IQCN: variants seen among roughly 807,000 people sequenced by gnomAD.
IQCN encodes IQ motif containing N, also known as IQ domain-containing protein N.
Under a neutral mutation model 64.4 loss-of-function variants are expected in IQCN, and 46 were observed. The observed-to-expected ratio is 0.71, with a 90% CI of 0.56 to 0.91. The LOEUF (loss-of-function observed/expected upper bound fraction) is 0.91, where lower values mean the gene tolerates loss of function less well. IQCN is among the 40% of genes least tolerant of loss of function. The probability of loss-of-function intolerance (pLI) is 0.00; values close to 1 mark genes in which losing one functional copy is unlikely to be tolerated. For missense variants in IQCN, 1,753 were observed against 1,857.4 expected, an observed-to-expected ratio of 0.94 and a Z score of 1.03; for synonymous variants, 733 against 775.6, an observed-to-expected ratio of 0.95 and a Z score of 0.91.
chr19:18,273,944 C>T (rs1465681243), intron 1 of IQCN, among the ~76,000 whole-genome samples: 1 of 152,108 alleles, frequency 6.6e-6, no homozygotes, highest in Non-Finnish European at 1.5e-5. Flanking sequence ...TGTCACAAGA[C>T]ATAAGATCAC....
At position 18,265,606 on chromosome 19, in the gene IQCN, GGT is replaced by G. The variant is rs1969548073; in HGVS notation, c.1932_1933del (p.Pro645SerfsTer54). 1 of 1,613,828 alleles carries G rather than the reference GGT, an allele frequency of 6.2e-7. No individual in the cohort carries two copies. The highest frequency in any genetic ancestry group is 1.3e-5 in the African/African-American group (1 of 74,924). ...CATGTCTACAGGCACATACACGTGA[GGT>G]GGCTTGTCCCCTTCCTCAGCAACTT... On this transcript the variant is annotated frameshift_variant, in exon 3 of 4. Coordinates refer to ENST00000392413, the MANE Select transcript of IQCN (RefSeq NM_001145304.2). LOFTEE classifies it high-confidence loss of function. The surrounding 1 kb of genome is among the most constrained non-coding windows in gnomAD (Gnocchi z 4.7).
At position 18,267,297 on chromosome 19, in the gene IQCN, G is replaced by T. The variant is rs148879684; in HGVS notation, c.243C>A (p.Arg81=). ...CCTGGCTCTCGACCACAGCCCGGAG[G>T]CGTGGGACGCGGCGGGACGCCGTCT... is the stretch of plus-strand genomic sequence containing the variant. The part of the protein sequence containing the change: ...EGKTASRRVP[R]LRAVVESQAF... Residue 81 remains arginine, a synonymous_variant, in exon 3 of 4, where the codon CGC becomes CGA. Coordinates refer to ENST00000392413, the MANE Select transcript of IQCN (RefSeq NM_001145304.2). 3 of 1,614,160 alleles carry T rather than the reference G, an allele frequency of 1.9e-6. No homozygotes were observed. Among genetic ancestry groups the T allele is most frequent in the Non-Finnish European group, 2.5e-6 (3 of 1,180,060 alleles).
At chr19:18,258,192 T>C in intron 3 of IQCN, 86 bp from the exon 4 acceptor site, 1 of 1,463,722 alleles carries the variant, frequency 6.8e-7, no homozygotes, top group Admixed American at 1.7e-5. Flanking sequence ...CCACGGTGAC[T>C]CCTGGTTAAA....
At position 18,264,879 on chromosome 19, in the gene IQCN, C is replaced by T; in HGVS notation, c.2661G>A (p.Val887=). 1 of 1,612,388 alleles carries T rather than the reference C, an allele frequency of 6.2e-7. No homozygotes were observed. The highest frequency in any genetic ancestry group is 8.5e-7 in the Non-Finnish European group (1 of 1,179,566). Residue 887 remains valine (V), a synonymous_variant, in exon 3 of 4, where the codon GTG becomes GTA. Transcript: ENST00000392413. This position sits in a 1 kb window ranked among gnomAD's most constrained non-coding sequence, Gnocchi z 4.3. ...LASLCAEVAG[V]LASQEDLRTL... is the part of the protein sequence containing the mutation. ...TGCGGAGATCCTCCTGGGATGCCAG[C>T]ACACCAGCTACTTCAGCACACAAGG...
intron 3 of IQCN, chr19:18,259,663 C>T (rs1179095780): frequency 3.3e-5 from 5 of 152,336 alleles, no homozygotes; most frequent in African/African-American, 1.2e-4. Flanking sequence ...GGAATCACAT[C>T]TCTCTGCTGG....
In IQCN at chr19:18,257,501, G is replaced by T. The variant is rs1249739174; in HGVS notation, c.3783C>A (p.Arg1261=). Residue 1261 remains arginine (R), a synonymous_variant, in exon 4 of 4, where the codon CGC becomes CGA. Transcript: ENST00000392413. ...CCTGCACCACACGGGTGGGCTGTGTGCGTCCACAGGTATGACAGGTGCGAG... is the reference window on the plus strand; with the variant it reads ...CCTGCACCACACGGGTGGGCTGTGTTCGTCCACAGGTATGACAGGTGCGAG... ...SSPRTCHTCG[R]TQPTRVVQGM... 1 of 1,609,952 alleles carries T rather than the reference G, an allele frequency of 6.2e-7. No individual in the cohort carries two copies. Among genetic ancestry groups the T allele is most frequent in the South Asian group, 1.1e-5 (1 of 90,730 alleles).
intron 2 of IQCN, among the ~76,000 whole-genome samples, chr19:18,268,653 C>T (rs1036316412): frequency 2.6e-5 from 4 of 151,732 alleles, no homozygotes; most frequent in African/African-American, 9.7e-5. Context: ...CATGGTGAAA[C>T]CCGTCTCTAC....
chr19:18,260,618 A>C (rs1969404835), intron 3 of IQCN: 1 of 153,002 alleles, frequency 6.5e-6, no homozygotes, highest in Non-Finnish European at 1.5e-5. Context: ...AGGCTAGGGT[A>C]CAGGATGAAT....
At chr19:18,272,693 C>G (rs1475362438) in intron 1 of IQCN, among the ~76,000 whole-genome samples, 1 of 150,862 alleles carries the variant, frequency 6.6e-6, no homozygotes, top group Non-Finnish European at 1.5e-5. Context: ...TCACTGCAAG[C>G]TCTGCCTCCC....
chr19:18,273,837 G>T, intron 1 of IQCN, among the ~76,000 whole-genome samples: 1 of 152,286 alleles, frequency 6.6e-6, no homozygotes, highest in South Asian at 2.1e-4. Context: ...GGGATTGTGG[G>T]GGATGAGAAG....
At position 18,265,453 on chromosome 19, in the gene IQCN, A is replaced by T. The variant is rs781234979; in HGVS notation, c.2087T>A (p.Leu696Gln). Residue 696 changes from leucine to glutamine, a missense_variant, in exon 3 of 4, where the codon CTG (leucine) becomes CAG (glutamine). Physicochemically the swap from Leu to Gln is moderately radical, Grantham distance 113. Coordinates refer to ENST00000392413, the MANE Select transcript of IQCN (RefSeq NM_001145304.2). The surrounding 1 kb of genome is among the most constrained non-coding windows in gnomAD (Gnocchi z 4.7). ...PLTKASSQGH[L>Q]PTELTKTPSL... Reference sequence around the variant, plus strand: ...TGGGGTCTTGGTCAGCTCAGTGGGCAGATGTCCCTGAGATGAGGCCTTGGT... The same window carrying T: ...TGGGGTCTTGGTCAGCTCAGTGGGCTGATGTCCCTGAGATGAGGCCTTGGT... 3.1e-6 allele frequency: 5 copies of T among 1,613,990 alleles called. No individual in the cohort carries two copies. The highest frequency in any genetic ancestry group is 4.2e-6 in the Non-Finnish European group (5 of 1,179,862).
At position 18,257,688 on chromosome 19, in the gene IQCN, C is replaced by T; in HGVS notation, c.3596G>A (p.Gly1199Glu). 1 of 1,604,650 alleles carries T rather than the reference C, an allele frequency of 6.2e-7. No individual in the cohort carries two copies. Among genetic ancestry groups the T allele is most frequent in the South Asian group, 1.1e-5 (1 of 90,238 alleles). ...GAACCAGCTTCGGTCAGACATGACC[C>T]CGGCCCGGCTGCCCAGCTCCACCCA... ...VTWVELGSRA[G>E]VMSDRSWFQD... The change falls in exon 4 of 4, where the codon GGG becomes GAG. Residue 1199 changes from glycine (G) to glutamate (E), a missense_variant. Coordinates refer to ENST00000392413, the MANE Select transcript of IQCN (RefSeq NM_001145304.2).
At chr19:18,272,981 A>G (rs1043190514) in intron 1 of IQCN, among the ~76,000 whole-genome samples, 1 of 152,198 alleles carries the variant, frequency 6.6e-6, no homozygotes, top group African/African-American at 2.4e-5. Flanking sequence ...GAAAGGGTCC[A>G]TTCGGAGACA....
rs202135859 is a variant in IQCN, at chr19:18,266,620, G to A, written c.920C>T (p.Thr307Met). ...CTGGGTTTGGGCTCTGGATGGTCTC[G>A]TAACTGCCTGGTCATACCTTCTGGA... is the stretch of plus-strand genomic sequence containing the variant. ...PLSRRYDQAV[T>M]RPSRAQTQGP... The change falls in exon 3 of 4, where the codon ACG becomes ATG. Residue 307 changes from threonine (T) to methionine (M), a missense_variant. Thr to Met is a moderately conservative substitution (Grantham distance 81). Coordinates refer to ENST00000392413, the MANE Select transcript of IQCN (RefSeq NM_001145304.2). This position sits in a 1 kb window ranked among gnomAD's most constrained non-coding sequence, Gnocchi z 4.3. 71 of 1,613,916 alleles carry A rather than the reference G, an allele frequency of 4.4e-5. No individual in the cohort carries two copies. The highest frequency in any genetic ancestry group is 3.3e-4 in the Middle Eastern group (2 of 6,084).
rs1969512251 is a variant in IQCN at position 18,264,784 on chromosome 19, A to T, written c.2756T>A (p.Val919Asp). The T allele has an allele frequency of 6.4e-7, 1 of 1,551,286 alleles. No individual in the cohort carries two copies. The highest frequency in any genetic ancestry group is 2.0e-5 in the Admixed American group (1 of 51,000). Residue 919 changes from valine to aspartate, a missense_variant, in exon 3 of 4, where the codon GTC becomes GAC. By Grantham distance (152) the Val-to-Asp change is radical. Coordinates refer to ENST00000392413, the MANE Select transcript of IQCN (RefSeq NM_001145304.2). This position sits in a 1 kb window ranked among gnomAD's most constrained non-coding sequence, Gnocchi z 4.3. ...AALNQALSKE[V>D]LGATVTKALP... Reference sequence around the variant, plus strand: ...GGCTTTGGTGACAGTGGCACCCAGGACCTCCTTGGACAGGGCCTGGTTCAG... The same window carrying T: ...GGCTTTGGTGACAGTGGCACCCAGGTCCTCCTTGGACAGGGCCTGGTTCAG...
At position 18,269,554 on chromosome 19, in the gene IQCN, T is replaced by C; in HGVS notation, c.-76A>G. The C allele has an allele frequency of 2.0e-6, 3 of 1,518,020 alleles. No homozygotes were observed. Among genetic ancestry groups the C allele is most frequent in the Non-Finnish European group, 2.7e-6 (3 of 1,094,826 alleles). 94.0% of individuals were successfully genotyped at this position (1,518,020 alleles called of 1,614,324 possible). ...GCAAGAGGAGGCAGCCTTCAGCCTTTCATCCATGCAATATGCAGCAACACT... is the reference window on the plus strand; with the variant it reads ...GCAAGAGGAGGCAGCCTTCAGCCTTCCATCCATGCAATATGCAGCAACACT... On this transcript the variant is annotated 5_prime_UTR_variant, in exon 2 of 4. Coordinates refer to ENST00000392413, the MANE Select transcript of IQCN (RefSeq NM_001145304.2).
intron 2 of IQCN, chr19:18,267,751 C>G (rs1182253945): frequency 2.4e-6 from 1 of 415,946 alleles, no homozygotes; most frequent in South Asian, 1.1e-4. Context: ...GTGTATGACA[C>G]CTGAATGCCC....
Position 18,265,926 on chromosome 19 carries a change from G to A in IQCN, c.1614C>T (p.Ala538=), listed in dbSNP as rs775762395. 19 of 1,614,202 alleles carry A rather than the reference G, an allele frequency of 1.2e-5. No individual in the cohort carries two copies. Among genetic ancestry groups the A allele is most frequent in the South Asian group, 5.5e-5 (5 of 91,084 alleles). The change falls in exon 3 of 4, where the codon GCC becomes GCT. Residue 538 remains alanine, a synonymous_variant. Coordinates refer to ENST00000392413, the MANE Select transcript of IQCN (RefSeq NM_001145304.2). The surrounding 1 kb of genome is among the most constrained non-coding windows in gnomAD (Gnocchi z 4.7). The part of the protein sequence containing the change: ...VKAPPQVAVA[A]GTPNTSGSIH... Reference sequence around the variant, plus strand: ...TGGAGCCTGAGGTGTTGGGAGTTCCGGCTGCTACCGCCACTTGGGGTGGAG... The same window carrying A: ...TGGAGCCTGAGGTGTTGGGAGTTCCAGCTGCTACCGCCACTTGGGGTGGAG...
intron 3 of IQCN, among the ~76,000 whole-genome samples, chr19:18,262,992 A>T (rs879390658): frequency 6.6e-6 from 1 of 152,162 alleles, no homozygotes; most frequent in African/African-American, 2.4e-5. Flanking sequence ...GCCCCAGTGA[A>T]CACGCAAGGT....
Sources: gnomAD v4.1 joint callset for allele counts (sites outside exome capture counted in the v4.1 genomes callset) on GRCh38, gnomAD v4.1.1 for gene constraint, Gnocchi (gnomAD v3.1) non-coding constraint, MANE v1.5 for transcripts, NCBI Gene and HGNC (gene_info 2026-07-23, HGNC 2026-07-21) for gene names.